LEPR: variants seen among roughly 807,000 people sequenced by gnomAD.
LEPR encodes leptin receptor, also known as OB receptor.
Under a neutral mutation model 114.7 loss-of-function variants are expected in LEPR, and 56 were observed. The observed-to-expected ratio is 0.49, with a 90% CI of 0.39 to 0.61. The LOEUF is 0.61. Ranked by LOEUF, LEPR falls within the 20% of genes least tolerant of loss-of-function variation. The probability of loss-of-function intolerance (pLI) is 0.00; values close to 1 mark genes in which losing one functional copy is unlikely to be tolerated. For missense variants in LEPR, 1,202 were observed against 1,352.9 expected, an observed-to-expected ratio of 0.89 and a Z score of 1.75; for synonymous variants, 443 against 461.4, an observed-to-expected ratio of 0.96 and a Z score of 0.51.
At chr1:65,614,051 A>T (rs905941711) in intron 14 of LEPR, among the ~76,000 whole-genome samples, 3 of 152,156 alleles carry the variant, frequency 2.0e-5, no homozygotes, top group African/African-American at 7.2e-5. Flanking sequence ...TTTCTTACAA[A>T]TTTAAACATA....
intron 2 of LEPR, among the ~76,000 whole-genome samples, chr1:65,464,414 G>A (rs1388505813): frequency 6.6e-6 from 1 of 152,092 alleles, no homozygotes; most frequent in Non-Finnish European, 1.5e-5. Flanking sequence ...ATGTGCTGCT[G>A]GATTCAGTTT....
chr1:65,544,182 T>G (rs1450768113), intron 2 of LEPR, among the ~76,000 whole-genome samples: 1 of 151,240 alleles, frequency 6.6e-6, no homozygotes, highest in Non-Finnish European at 1.5e-5. Flanking sequence ...GGTCATTAGG[T>G]ATTTTATTCT....
chr1:65,519,056 CTCCTTCCT>C (rs538448169), intron 2 of LEPR, among the ~76,000 whole-genome samples: 1 of 141,838 alleles, frequency 7.1e-6, no homozygotes, highest in African/African-American at 2.6e-5. Context: ...CTTTCTCTCT[CTCCTTCCT>C]TCCTTCCTTC....
chr1:65,631,755 A>G (rs2101039053), intron 19 of LEPR, among the ~76,000 whole-genome samples: 1 of 152,290 alleles, frequency 6.6e-6, no homozygotes, highest in East Asian at 1.9e-4. Flanking sequence ...TTTTCTTCCA[A>G]TTCAAATTTT....
At chr1:65,553,210 C>T (rs1313853959) in intron 2 of LEPR, among the ~76,000 whole-genome samples, 3 of 152,212 alleles carry the variant, frequency 2.0e-5, no homozygotes, top group Admixed American at 1.3e-4. Context: ...TTGCTCTTCT[C>T]GAGGAGTATC....
rs142726715 is a variant in LEPR, at chr1:65,553,470, T to A, written c.-20-12076T>A. Among the ~76,000 whole-genome samples the A allele has an allele frequency of 3.3e-5, 5 of 152,260 alleles. No homozygotes were observed. The East Asian group carries it at 9.7e-4, about 29-fold the overall frequency. On this transcript the variant is annotated intron_variant, in intron 2 of 19. Coordinates refer to ENST00000349533, the MANE Select transcript of LEPR (RefSeq NM_002303.6). ...ATGCTTTATTTCATTAAGTTGATCT[T>A]CAATCTCTGACATCCTTTCTTCCGC...
chr1:65,455,332 G>A (rs575763687), intron 2 of LEPR, among the ~76,000 whole-genome samples: 4 of 152,314 alleles, frequency 2.6e-5, no homozygotes, highest in East Asian at 3.9e-4. Context: ...GTGAAGAACT[G>A]CATTCCTTTG....
intron 2 of LEPR, among the ~76,000 whole-genome samples, chr1:65,458,916 A>G (rs1465930006): frequency 6.6e-6 from 1 of 151,958 alleles, no homozygotes; most frequent in Non-Finnish European, 1.5e-5. Flanking sequence ...GGCAGTTTCT[A>G]TTAACATATT....
In LEPR at chr1:65,525,687, G is replaced by A. The variant is rs1399336152; in HGVS notation, c.-20-39859G>A. 5.1e-6 allele frequency: 5 copies of A among 985,388 alleles called. No individual in the cohort carries two copies. In the Admixed American group the frequency reaches 2.5e-4, roughly 48 times the overall value. 61.0% of individuals were successfully genotyped at this position (985,388 alleles called of 1,614,324 possible). On this transcript the variant is annotated intron_variant, in intron 2 of 19. Coordinates refer to ENST00000349533, the MANE Select transcript of LEPR (RefSeq NM_002303.6). ...CTCCTCCTCTCCTGAGAGTTGCCCC[G>A]CACCTTGGGCGAGGAGTTCGGAGCG...
chr1:65,632,512 T>A (rs1045558986), intron 19 of LEPR, among the ~76,000 whole-genome samples: 20 of 152,122 alleles, frequency 1.3e-4, no homozygotes, highest in Non-Finnish European at 2.5e-4. Flanking sequence ...ACCTTTCATC[T>A]TCTGTTGTGT....
intron 2 of LEPR, among the ~76,000 whole-genome samples, chr1:65,485,272 A>G (rs1647428475): frequency 6.6e-6 from 1 of 152,198 alleles, no homozygotes; most frequent in South Asian, 2.1e-4. Context: ...AATTATGTTA[A>G]TTTACAACTA....
At chr1:65,635,551 A>G (rs1020944779) in intron 19 of LEPR, 5 of 202,576 alleles carry the variant, frequency 2.5e-5, no homozygotes, top group African/African-American at 9.4e-5. Context: ...TGTTCTCTAC[A>G]TATGATATTA....
At chr1:65,438,597 A>C (rs1299237749) in intron 2 of LEPR, among the ~76,000 whole-genome samples, 1 of 151,746 alleles carries the variant, frequency 6.6e-6, no homozygotes, top group Non-Finnish European at 1.5e-5. Flanking sequence ...AGAGTAAATA[A>C]AGTGGCCCCT....
chr1:65,512,389 G>A (rs971155022), intron 2 of LEPR, among the ~76,000 whole-genome samples: 3 of 152,204 alleles, frequency 2.0e-5, no homozygotes, highest in Non-Finnish European at 2.9e-5. Context: ...GAATAGCTGC[G>A]TGATGAAGGT....
chr1:65,615,431 G>A (rs965323680), intron 14 of LEPR, among the ~76,000 whole-genome samples: 14 of 151,966 alleles, frequency 9.2e-5, no homozygotes, highest in African/African-American at 3.4e-4. Context: ...AAATTCTGGG[G>A]TGCCATAGAC....
chr1:65,457,954 G>A (rs547013545), intron 2 of LEPR, among the ~76,000 whole-genome samples: 1 of 152,218 alleles, frequency 6.6e-6, no homozygotes, highest in East Asian at 1.9e-4. Flanking sequence ...TCCCTTTTAT[G>A]CATCTTGAGT....
chr1:65,556,547 C>T (rs562116056), intron 2 of LEPR, among the ~76,000 whole-genome samples: 1 of 152,108 alleles, frequency 6.6e-6, no homozygotes, highest in African/African-American at 2.4e-5. Flanking sequence ...GGCGTTGATA[C>T]ACTTCTTTCA....
chr1:65,459,015 T>A (rs756760356), intron 2 of LEPR, among the ~76,000 whole-genome samples: 6 of 152,252 alleles, frequency 3.9e-5, no homozygotes, highest in Non-Finnish European at 8.8e-5. Context: ...ACAGACATAA[T>A]CTATAGGTGA....
chr1:65,610,312 A>G lies in LEPR; in HGVS notation c.1995+16A>G. ...ACTTTGGAAGGTATTCCCAATTTTAATATTAATCTTAAATTGTATTTTTAT... is the reference window on the plus strand; with the variant it reads ...ACTTTGGAAGGTATTCCCAATTTTAGTATTAATCTTAAATTGTATTTTTAT... On this transcript the variant is annotated intron_variant, in intron 14 of 19. Coordinates refer to ENST00000349533, the MANE Select transcript of LEPR (RefSeq NM_002303.6). 2 of 1,579,684 alleles carry G rather than the reference A, an allele frequency of 1.3e-6. No individual in the cohort carries two copies. The highest frequency in any genetic ancestry group is 1.7e-6 in the Non-Finnish European group (2 of 1,151,250).
Sources: allele counts gnomAD v4.1 joint callset (sites outside exome capture counted in the v4.1 genomes callset), GRCh38; gene constraint gnomAD v4.1.1; transcripts MANE v1.5; gene names NCBI Gene and HGNC (gene_info 2026-07-23, HGNC 2026-07-21).